Variants in CALD1 observed in about 807,000 individuals in gnomAD.
CALD1 encodes the protein caldesmon.
A neutral mutation model predicts 99.9 loss-of-function variants in CALD1; 33 were observed. The ratio of observed to expected loss-of-function variants is 0.33; its 90% CI spans 0.25 to 0.44. CALD1 has a LOEUF of 0.44. CALD1 is among the 20% of genes least tolerant of loss of function. The pLI is 1.00. For synonymous variants in CALD1, 310 were observed against 325.0 expected, an observed-to-expected ratio of 0.95 and a Z score of 0.50; for missense variants, 861 against 962.1, an observed-to-expected ratio of 0.89 and a Z score of 1.39.
intron 1 of CALD1, among the ~76,000 whole-genome samples, chr7:134,825,936 C>T (rs183911967): frequency 5.3e-4 from 81 of 152,162 alleles, no homozygotes; most frequent in African/African-American, 1.7e-3. Flanking sequence ...TCACCAACAC[C>T]ATCTTAATTC....
At chr7:134,824,885 AGATCTGAGCTCCAGGGCCT>A (rs1798928152) in intron 1 of CALD1, among the ~76,000 whole-genome samples, 2 of 152,214 alleles carry the variant, frequency 1.3e-5, no homozygotes, top group Admixed American at 1.3e-4. Flanking sequence ...TCACTTGGTC[AGATCTGAGCTCCAGGGCCT>A]GATGTCTCTG....
chr7:134,917,846 T>C (rs974643009), intron 3 of CALD1, among the ~76,000 whole-genome samples: 4 of 152,252 alleles, frequency 2.6e-5, no homozygotes, highest in African/African-American at 9.6e-5. Context: ...ATTATCTTCC[T>C]GGCCACTTAA....
At chr7:134,757,850 G>A (rs187349110) in intron 1 of CALD1, among the ~76,000 whole-genome samples, 9 of 152,150 alleles carry the variant, frequency 5.9e-5, no homozygotes, top group African/African-American at 1.9e-4. Flanking sequence ...CTGCACTCCA[G>A]CCTGGGCGAC....
At chr7:134,795,124 C>G (rs1049594489) in intron 1 of CALD1, among the ~76,000 whole-genome samples, 2 of 151,980 alleles carry the variant, frequency 1.3e-5, no homozygotes, top group Non-Finnish European at 2.9e-5. Flanking sequence ...GAATTTTGAC[C>G]ACAATTTTCT....
chr7:134,823,730 G>T (rs925110775), intron 1 of CALD1, among the ~76,000 whole-genome samples: 11 of 152,118 alleles, frequency 7.2e-5, no homozygotes, highest in African/African-American at 2.4e-4. Flanking sequence ...GGAATATGGA[G>T]CCTTTGATGT....
At chr7:134,893,211 C>T (rs567096459) in intron 3 of CALD1, among the ~76,000 whole-genome samples, 2 of 152,252 alleles carry the variant, frequency 1.3e-5, no homozygotes, top group South Asian at 4.1e-4. Context: ...TATTACCTCT[C>T]ACCGGGATGG....
At chr7:134,772,423 C>T (rs1246671263) in intron 1 of CALD1, among the ~76,000 whole-genome samples, 3 of 152,092 alleles carry the variant, frequency 2.0e-5, no homozygotes, top group Non-Finnish European at 2.9e-5. Flanking sequence ...TTTATTTCCA[C>T]GAGCCTAAAC....
At chr7:134,918,832 C>CA (rs915501085) in intron 3 of CALD1, among the ~76,000 whole-genome samples, 23 of 151,952 alleles carry the variant, frequency 1.5e-4, no homozygotes, top group African/African-American at 3.9e-4. Flanking sequence ...CCTGTCTCTG[C>CA]AAAAAATACA....
intron 2 of CALD1, among the ~76,000 whole-genome samples, chr7:134,857,432 C>T (rs1346844666): frequency 2.0e-5 from 3 of 151,986 alleles, no homozygotes; most frequent in Admixed American, 6.5e-5. Flanking sequence ...GCTGGGATTA[C>T]AAGCGTGAGC....
chr7:134,718,331 G>A, the CALD1 span, among the ~76,000 whole-genome samples: 2 of 152,122 alleles, frequency 1.3e-5, no homozygotes, highest in Non-Finnish European at 2.9e-5. Flanking sequence ...ATCTTATGAA[G>A]TAGACACTGT....
At chr7:134,950,599 C>G (rs1487049242) in intron 9 of CALD1, 85 bp downstream of exon 9, 1 of 1,069,950 alleles carries the variant, frequency 9.3e-7, no homozygotes, top group Non-Finnish European at 1.4e-6. Context: ...TATACAGGGC[C>G]TTTGTTCATT....
chr7:134,830,481 G>A (rs2132068985), intron 1 of CALD1, among the ~76,000 whole-genome samples: 1 of 152,032 alleles, frequency 6.6e-6, no homozygotes, highest in East Asian at 1.9e-4. Context: ...TGTCACGGGG[G>A]TTTGTTATAC....
rs186787921 is a variant in CALD1, at chr7:134,926,399, A to G, written c.72-2355A>G. The stretch of plus-strand genomic sequence containing the variant: ...ATCAACTATATCACATTGCCCCCCC[A>G]TATTTGTGAAATAAACCAGCCCATT... On this transcript the variant is annotated intron_variant, in intron 3 of 14. Transcript: ENST00000361675. Among the ~76,000 whole-genome samples the G allele has an allele frequency of 1.9e-3, 288 of 152,290 alleles. 1 individual carries two copies. Among genetic ancestry groups the G allele is most frequent in the Middle Eastern group, 0.01 (3 of 294 alleles).
chr7:134,871,593 G>T (rs772044899), intron 3 of CALD1, among the ~76,000 whole-genome samples: 10 of 152,110 alleles, frequency 6.6e-5, no homozygotes, highest in Non-Finnish European at 1.5e-4. Flanking sequence ...CATGTACCCC[G>T]TATGGGTTCA....
chr7:134,948,827 G>A (rs1271265392), intron 8 of CALD1, among the ~76,000 whole-genome samples: 4 of 151,918 alleles, frequency 2.6e-5, no homozygotes, highest in African/African-American at 9.7e-5. Context: ...AGTATGGGAA[G>A]TAATCAGGAT....
intron 7 of CALD1, among the ~76,000 whole-genome samples, chr7:134,945,012 A>G (rs538420488): frequency 1.3e-5 from 2 of 152,308 alleles, no homozygotes; most frequent in South Asian, 4.1e-4. Flanking sequence ...TGCTAATGAT[A>G]TGTCTTCATC....
intron 1 of CALD1, among the ~76,000 whole-genome samples, chr7:134,794,303 T>A (rs1797664559): frequency 6.6e-6 from 1 of 152,210 alleles, no homozygotes; most frequent in Non-Finnish European, 1.5e-5. Flanking sequence ...GGGATGCATT[T>A]CCTATAGGTG....
At chr7:134,787,939 G>A (rs991401288) in intron 1 of CALD1, among the ~76,000 whole-genome samples, 7 of 152,146 alleles carry the variant, frequency 4.6e-5, no homozygotes, top group African/African-American at 1.7e-4. Context: ...TGTTGGAGAA[G>A]AGGAGCTAAA....
intron 3 of CALD1, among the ~76,000 whole-genome samples, chr7:134,899,260 A>G (rs1039658112): frequency 6.7e-6 from 1 of 150,072 alleles, no homozygotes; most frequent in Non-Finnish European, 1.5e-5. Flanking sequence ...CTGGAGTGCA[A>G]TGGCACGATC....
Sources: allele counts gnomAD v4.1 joint callset (sites outside exome capture counted in the v4.1 genomes callset), GRCh38; gene constraint gnomAD v4.1.1; transcripts MANE v1.5; gene names NCBI Gene and HGNC (gene_info 2026-07-23, HGNC 2026-07-21).